Variants in PCDH9 observed in about 807,000 individuals in gnomAD.
PCDH9 encodes protocadherin-9.
A neutral mutation model predicts 70.6 loss-of-function variants in PCDH9; 24 were observed. The ratio of observed to expected loss-of-function variants is 0.34; its 90% CI spans 0.25 to 0.48. The LOEUF (loss-of-function observed/expected upper bound fraction) is 0.48. PCDH9 is among the 20% of genes least tolerant of loss of function. PCDH9 has a pLI of 0.99. For synonymous variants in PCDH9, 562 were observed against 558.5 expected (o/e 1.01, Z -0.09); for missense variants, 1,281 against 1,503.6 (o/e 0.85, Z 2.45).
chr13:66,322,605 C>T (rs1459144766), intron 4 of PCDH9, among the ~76,000 whole-genome samples: 4 of 152,022 alleles, frequency 2.6e-5, no homozygotes, highest in African/African-American at 9.7e-5. Context: ...GTTTATTTAA[C>T]AGCATCCTTG....
intron 3 of PCDH9, among the ~76,000 whole-genome samples, chr13:66,633,079 G>A (rs1159648761): frequency 6.6e-6 from 1 of 152,044 alleles, no homozygotes; most frequent in East Asian, 1.9e-4. Context: ...TGAGTCACTG[G>A]TTCAAATCCA....
At chr13:66,713,967 C>T (rs1373075432) in intron 3 of PCDH9, among the ~76,000 whole-genome samples, 1 of 151,992 alleles carries the variant, frequency 6.6e-6, no homozygotes, top group African/African-American at 2.4e-5. Flanking sequence ...GAACCCTACC[C>T]ATTTCTTGTG....
chr13:66,543,524 G>A (rs746768587), intron 4 of PCDH9, among the ~76,000 whole-genome samples: 9 of 151,600 alleles, frequency 5.9e-5, no homozygotes, highest in Non-Finnish European at 1.3e-4. Context: ...CTGGGATCAT[G>A]CCACTGCACT....
chr13:66,821,528 A>C (rs536110162), intron 3 of PCDH9, among the ~76,000 whole-genome samples: 1 of 152,286 alleles, frequency 6.6e-6, no homozygotes, highest in Non-Finnish European at 1.5e-5. Context: ...CAGTATTCAT[A>C]GAAAAAGTCA....
At chr13:67,158,297 T>A (rs552495872) in intron 2 of PCDH9, among the ~76,000 whole-genome samples, 1 of 152,342 alleles carries the variant, frequency 6.6e-6, no homozygotes, top group African/African-American at 2.4e-5. Flanking sequence ...TGCTTGAATA[T>A]CTATGTGGCT....
At chr13:66,759,180 C>T (rs9564338) in intron 3 of PCDH9, among the ~76,000 whole-genome samples, 16,009 of 151,896 alleles carry the variant, frequency 0.11, 975 homozygotes, top group African/African-American at 0.16. Context: ...AAGTTGGGTA[C>T]GTATATATTT....
intron 3 of PCDH9, among the ~76,000 whole-genome samples, chr13:66,731,141 G>A (rs977723653): frequency 6.6e-6 from 1 of 151,862 alleles, no homozygotes; most frequent in Non-Finnish European, 1.5e-5. Flanking sequence ...AGAATGATGG[G>A]TTATTTCTCA....
intron 4 of PCDH9, among the ~76,000 whole-genome samples, chr13:66,350,025 G>A (rs966783324): frequency 6.6e-5 from 10 of 152,022 alleles, no homozygotes; most frequent in African/African-American, 1.5e-4. Flanking sequence ...CATCGGTCAC[G>A]TCACATTCCA....
chr13:66,447,539 A>C (rs1286445987), intron 4 of PCDH9, among the ~76,000 whole-genome samples: 11 of 152,082 alleles, frequency 7.2e-5, no homozygotes, highest in South Asian at 2.1e-4. Flanking sequence ...TTTCTACTTC[A>C]TGTTTTAATA....
intron 3 of PCDH9, among the ~76,000 whole-genome samples, chr13:66,842,906 T>C (rs1441848656): frequency 2.6e-5 from 4 of 152,106 alleles, no homozygotes; most frequent in African/African-American, 9.7e-5. Context: ...GTTTCAAAAT[T>C]AAATTCAGAA....
chr13:66,346,361 G>C (rs911646761), intron 4 of PCDH9, among the ~76,000 whole-genome samples: 1 of 152,190 alleles, frequency 6.6e-6, no homozygotes, highest in African/African-American at 2.4e-5. Flanking sequence ...AGGAATTTGT[G>C]TGCATACAGA....
At chr13:66,436,808 T>G (rs1238052730) in intron 4 of PCDH9, among the ~76,000 whole-genome samples, 1 of 152,050 alleles carries the variant, frequency 6.6e-6, no homozygotes, top group Non-Finnish European at 1.5e-5. Context: ...CAAAGAAAAA[T>G]TATACAAGAC....
chr13:66,680,795 G>C (rs1443689254), intron 3 of PCDH9, among the ~76,000 whole-genome samples: 1 of 151,860 alleles, frequency 6.6e-6, no homozygotes, highest in Non-Finnish European at 1.5e-5. Flanking sequence ...CTGATTCAAG[G>C]AAATATGATT....
chr13:66,346,557 G>A (rs1233538715), intron 4 of PCDH9, among the ~76,000 whole-genome samples: 1 of 152,174 alleles, frequency 6.6e-6, no homozygotes, highest in Non-Finnish European at 1.5e-5. Flanking sequence ...GTTTGCCACT[G>A]CTGTATAAAC....
At chr13:66,715,810 C>T (rs994541742) in intron 3 of PCDH9, among the ~76,000 whole-genome samples, 1 of 152,184 alleles carries the variant, frequency 6.6e-6, no homozygotes, top group Non-Finnish European at 1.5e-5. Context: ...TTAGTGTCTG[C>T]GTTTCAGAGG....
chr13:67,086,327 G>A (rs990873367), intron 2 of PCDH9, among the ~76,000 whole-genome samples: 5 of 152,108 alleles, frequency 3.3e-5, no homozygotes, highest in African/African-American at 7.2e-5. Context: ...TTAACAGTGG[G>A]TGATATATGG....
chr13:66,411,788 G>A lies in PCDH9; in HGVS notation c.3341-106760C>T, dbSNP rs1957374978. Among the ~76,000 whole-genome samples, 4 of 152,130 alleles carry A rather than the reference G, an allele frequency of 2.6e-5. No individual in the cohort carries two copies. The South Asian group carries it at 8.3e-4, about 32-fold the overall frequency. ...GTAAAATGTTTACAACTTTTACTAT[G>A]TAAAGTCAACCTCACCTGAAGGTTT... On this transcript the variant is annotated intron_variant, in intron 4 of 4. Coordinates refer to ENST00000377865, the MANE Select transcript of PCDH9 (RefSeq NM_203487.3).
rs900490088 is a variant in PCDH9, at chr13:66,717,334, C to A, written c.3139-85923G>T. Among the ~76,000 whole-genome samples the A allele has an allele frequency of 1.3e-4, 20 of 149,958 alleles. No individual in the cohort carries two copies. The East Asian group carries it at 3.9e-3, about 30-fold the overall frequency. On this transcript the variant is annotated intron_variant, in intron 3 of 4. Transcript: ENST00000377865. Reference sequence around the variant, plus strand: ...AGGTGTAGTGGCTAGTGCCTATAATCCCAGCTACTCAGGAGGCTGAGCCAG... The same window carrying A: ...AGGTGTAGTGGCTAGTGCCTATAATACCAGCTACTCAGGAGGCTGAGCCAG...
At chr13:66,594,088 A>G (rs2077071815) in intron 4 of PCDH9, among the ~76,000 whole-genome samples, 1 of 151,828 alleles carries the variant, frequency 6.6e-6, no homozygotes, top group African/African-American at 2.4e-5. Context: ...GAGCTTCACT[A>G]AAGTTAAGCT....
Sources: allele counts gnomAD v4.1 joint callset (sites outside exome capture counted in the v4.1 genomes callset), GRCh38; gene constraint gnomAD v4.1.1; transcripts MANE v1.5; gene names NCBI Gene and HGNC (gene_info 2026-07-23, HGNC 2026-07-21).